The following PATJ variants were observed in gnomAD, a reference collection of about 807,000 sequenced individuals.
PATJ encodes PATJ crumbs cell polarity complex component, also known as inaD-like protein.
PATJ carries 190 observed loss-of-function variants against 224.9 expected under a neutral mutation model. That is an observed-to-expected ratio of 0.84 (90% CI 0.75 to 0.95). PATJ has a LOEUF of 0.95. Among genes scored for constraint, PATJ ranks in the 40% least tolerant of loss-of-function variants. The pLI is 0.00. For synonymous variants in PATJ, 769 were observed against 820.3 expected (o/e 0.94, Z 1.07); for missense variants, 2,121 against 2,270.3 (o/e 0.93, Z 1.34).
intron 4 of PATJ, among the ~76,000 whole-genome samples, chr1:61,767,118 T>C (rs1238150341): frequency 6.6e-6 from 1 of 151,878 alleles, no homozygotes; most frequent in Non-Finnish European, 1.5e-5. Flanking sequence ...ATTTGGAAAA[T>C]CTAGAAAACA....
chr1:61,814,385 C>T (rs958091972), intron 14 of PATJ, among the ~76,000 whole-genome samples: 12 of 152,092 alleles, frequency 7.9e-5, no homozygotes, highest in Middle Eastern at 3.4e-3. Context: ...TCAGGTGATC[C>T]GCCCACCTTG....
rs879929174 is a variant in PATJ, at chr1:61,797,809, C to CT, written c.1402+394dup. Among the ~76,000 whole-genome samples, 513 of 146,766 alleles carry CT rather than the reference C, an allele frequency of 3.5e-3. 4 individuals are homozygous for CT. Among genetic ancestry groups the CT allele is most frequent in the Middle Eastern group, 0.014 (4 of 276 alleles). On this transcript the variant is annotated intron_variant, in intron 11 of 43. Coordinates refer to ENST00000642238, the MANE Select transcript of PATJ (RefSeq NM_001350145.3). ...TTTGCAGACTTCGGGTTTCCTATTA[C>CT]TTTTTTTTTTTTTGAGACAGTCTTA... is the stretch of plus-strand genomic sequence containing the variant.
At chr1:62,148,694 G>T (rs72677981) in intron 42 of PATJ, among the ~76,000 whole-genome samples, 19 of 152,084 alleles carry the variant, frequency 1.2e-4, no homozygotes, top group Non-Finnish European at 2.2e-4. Flanking sequence ...AAGGAACCAC[G>T]TTTCCTGAAC....
intron 31 of PATJ, among the ~76,000 whole-genome samples, chr1:62,055,129 A>G (rs760609915): frequency 5.9e-5 from 9 of 152,190 alleles, no homozygotes; most frequent in African/African-American, 1.4e-4. Context: ...CTTATCCCCA[A>G]AATAACCATA....
intron 27 of PATJ, among the ~76,000 whole-genome samples, chr1:61,974,163 G>T (rs1001452589): frequency 6.6e-6 from 1 of 151,806 alleles, no homozygotes; most frequent in African/African-American, 2.4e-5. Context: ...CTGTAGAAAG[G>T]CTTCAAAGGA....
chr1:61,881,208 GT>G (rs1668042627), intron 21 of PATJ, among the ~76,000 whole-genome samples: 2 of 152,154 alleles, frequency 1.3e-5, no homozygotes, highest in South Asian at 4.1e-4. Context: ...AAAGCATCAT[GT>G]TTGCAAGAGT....
chr1:61,986,982 C>A (rs1408394389), intron 27 of PATJ, among the ~76,000 whole-genome samples: 1 of 151,400 alleles, frequency 6.6e-6, no homozygotes, highest in East Asian at 1.9e-4. Context: ...CTGGTAAATT[C>A]TTCAAAATTA....
Position 61,762,931 on chromosome 1 carries a change from G to A in PATJ, c.22+17G>A, listed in dbSNP as rs761582028. 27 of 1,517,102 alleles carry A rather than the reference G, an allele frequency of 1.8e-5. No homozygotes were observed. In the African/African-American group the frequency reaches 3.6e-4, roughly 20 times the overall value. 94.0% of individuals were successfully genotyped at this position (1,517,102 alleles called of 1,614,324 possible). ...CTGCTACAGGTATACTGGATATATT[G>A]TTCTATAATTAAATTAATTATTTAA... On this transcript the variant is annotated intron_variant, in intron 2 of 43. Coordinates refer to ENST00000642238, the MANE Select transcript of PATJ (RefSeq NM_001350145.3).
chr1:61,787,718 T>C, intron 7 of PATJ, 36 bp from the exon 8 acceptor site: 2 of 1,504,496 alleles, frequency 1.3e-6, no homozygotes, highest in Non-Finnish European at 1.8e-6. Flanking sequence ...AGTTACAGCA[T>C]TTATTTCTCA....
intron 43 of PATJ, among the ~76,000 whole-genome samples, chr1:62,156,536 A>G (rs1010113959): frequency 6.6e-6 from 1 of 151,662 alleles, no homozygotes; most frequent in Non-Finnish European, 1.5e-5. Flanking sequence ...TCTCAAAAAA[A>G]AAACCTCCAA....
rs548342079 is a variant in PATJ, at chr1:61,890,898, C to T, written c.3131+6490C>T. Among the ~76,000 whole-genome samples the T allele has an allele frequency of 9.9e-5, 15 of 152,242 alleles. No homozygotes were observed. In the East Asian group the frequency reaches 2.9e-3, roughly 29 times the overall value. The stretch of plus-strand genomic sequence containing the variant: ...GATGCATTTAACAGGCTTAATATAA[C>T]AGCCTTGCCAATAGTAAACGTTTAA... On this transcript the variant is annotated intron_variant, in intron 22 of 43. Transcript: ENST00000642238.
At chr1:61,869,245 T>C (rs947564453) in intron 20 of PATJ, among the ~76,000 whole-genome samples, 1 of 149,286 alleles carries the variant, frequency 6.7e-6, no homozygotes, top group East Asian at 2.0e-4. Context: ...TAGCTGGGAC[T>C]ACAGGCGCCC....
At chr1:62,141,827 G>T (rs1015811168) in intron 41 of PATJ, among the ~76,000 whole-genome samples, 2 of 151,910 alleles carry the variant, frequency 1.3e-5, no homozygotes, top group Non-Finnish European at 2.9e-5. Flanking sequence ...AAAATTAGCT[G>T]GGCGTGGTGA....
intron 41 of PATJ, among the ~76,000 whole-genome samples, chr1:62,130,283 A>C (rs1666125742): frequency 6.6e-6 from 1 of 152,244 alleles, no homozygotes; most frequent in South Asian, 2.1e-4. Context: ...ACAGTGAGCC[A>C]GTATTGTGCC....
At chr1:62,002,161 T>C (rs951668528) in intron 28 of PATJ, among the ~76,000 whole-genome samples, 3 of 152,132 alleles carry the variant, frequency 2.0e-5, no homozygotes, top group Non-Finnish European at 4.4e-5. Flanking sequence ...ACCTAGAGGC[T>C]TTGGGATCAG....
intron 1 of PATJ, among the ~76,000 whole-genome samples, chr1:61,746,785 G>A (rs1221117002): frequency 1.3e-5 from 2 of 152,202 alleles, no homozygotes; most frequent in South Asian, 2.1e-4. Flanking sequence ...TTTCAAAAAA[G>A]AAACTAAAAG....
At chr1:62,091,135 A>G (rs1037772291) in intron 33 of PATJ, among the ~76,000 whole-genome samples, 2 of 151,990 alleles carry the variant, frequency 1.3e-5, no homozygotes, top group African/African-American at 4.8e-5. Flanking sequence ...GCTATGAATG[A>G]GATCCCAGGC....
At chr1:61,874,445 C>T (rs1202675084) in intron 20 of PATJ, among the ~76,000 whole-genome samples, 1 of 152,026 alleles carries the variant, frequency 6.6e-6, no homozygotes, top group African/African-American at 2.4e-5. Flanking sequence ...GATCCACCTG[C>T]CTTGGCCTCC....
intron 7 of PATJ, among the ~76,000 whole-genome samples, chr1:61,778,422 A>C (rs1379688008): frequency 6.6e-6 from 1 of 152,190 alleles, no homozygotes; most frequent in Admixed American, 6.5e-5. Flanking sequence ...ATAGTGTCTG[A>C]AAGTTTGTTG....
Sources: allele counts gnomAD v4.1 joint callset (sites outside exome capture counted in the v4.1 genomes callset), GRCh38; gene constraint gnomAD v4.1.1; transcripts MANE v1.5; gene names NCBI Gene and HGNC (gene_info 2026-07-23, HGNC 2026-07-21).